The following POLE variants were observed in gnomAD, a reference collection of about 807,000 sequenced individuals.
POLE encodes DNA polymerase epsilon catalytic subunit A.
Under a neutral mutation model 279.2 loss-of-function variants are expected in POLE, and 188 were observed. The observed-to-expected ratio is 0.67, with a 90% CI of 0.60 to 0.76. POLE has a LOEUF of 0.76. Among genes scored for constraint, POLE ranks in the 30% least tolerant of loss-of-function variants. The pLI is 0.00. For synonymous variants in POLE, 1,214 were observed against 1,172.5 expected (o/e 1.04, Z -0.72); for missense variants, 2,703 against 3,016.7 (o/e 0.90, Z 2.44).
chr12:132,661,797 A>G lies in POLE; in HGVS notation c.2707-113T>C. 1 of 1,030,102 alleles carries G rather than the reference A, an allele frequency of 9.7e-7. No homozygotes were observed. The allele number at this position is 1,030,102 out of a possible 1,614,324, so 63.8% of individuals were successfully genotyped here. A position where few individuals can be genotyped will look rare whatever the true frequency, so the allele number is the denominator to read the frequency against. On this transcript the variant is annotated intron_variant, in intron 23 of 48. Coordinates refer to ENST00000320574, the MANE Select transcript of POLE (RefSeq NM_006231.4). This position sits in a 1 kb window ranked among gnomAD's most constrained non-coding sequence, Gnocchi z 4.1. Reference sequence around the variant, plus strand: ...TTGACAAACCGAGGCTTTTCCACATAACTAACACGACTTGGCAGCAGGAAG... The same window carrying G: ...TTGACAAACCGAGGCTTTTCCACATGACTAACACGACTTGGCAGCAGGAAG...
In POLE at chr12:132,624,605, G is replaced by T; in HGVS notation, c.*92C>A. 1 of 796,524 alleles carries T rather than the reference G, an allele frequency of 1.3e-6. No individual in the cohort carries two copies. The highest frequency in any genetic ancestry group is 2.3e-6 in the Non-Finnish European group (1 of 438,400). The allele number at this position is 796,524 out of a possible 1,614,324, so 49.3% of individuals were successfully genotyped here. A position where few individuals can be genotyped will look rare whatever the true frequency, so the allele number is the denominator to read the frequency against. ...GGTCACAGGTTTGGACAGTCAGGGT[G>T]GTCAGTGGTCTGGTCACTGGAAGCA... On this transcript the variant is annotated 3_prime_UTR_variant, in exon 49 of 49. Transcript: ENST00000320574.
rs184779555 is a variant in POLE, at chr12:132,675,111, G to A, written c.1226+287C>T. The stretch of plus-strand genomic sequence containing the variant: ...TGCCTGGGCAGAGCAGCTCCATGAG[G>A]TCCTAGGTCTGGGACCTGTCAGCTG... On this transcript the variant is annotated intron_variant, in intron 12 of 48. Transcript: ENST00000320574. The surrounding 1 kb of genome is among the most constrained non-coding windows in gnomAD (Gnocchi z 4.3). 3.7e-4 allele frequency among the ~76,000 whole-genome samples: 57 copies of A among 152,318 alleles called. No homozygotes were observed. Among genetic ancestry groups the A allele is most frequent in the African/African-American group, 1.3e-3 (53 of 41,580 alleles).
chr12:132,646,076 A>C (rs561192244), intron 32 of POLE, among the ~76,000 whole-genome samples: 13 of 152,326 alleles, frequency 8.5e-5, no homozygotes, highest in African/African-American at 2.6e-4. Context: ...GGAAGTTTTC[A>C]AAGACCAACA....
chr12:132,655,653 T>C (rs1161072630), intron 29 of POLE, among the ~76,000 whole-genome samples: 1 of 152,248 alleles, frequency 6.6e-6, no homozygotes, highest in African/African-American at 2.4e-5. Flanking sequence ...TGAGGCTACA[T>C]TGTTACAATT....
rs1459857233 is a variant in POLE, at chr12:132,675,851, G to A, written c.1021-31C>T. 11 of 1,537,840 alleles carry A rather than the reference G, an allele frequency of 7.2e-6. No homozygotes were observed. Among genetic ancestry groups the A allele is most frequent in the African/African-American group, 2.7e-5 (2 of 73,392 alleles). ...CCCAAGTCACAGCAGTCAGAGGTCTGCTCTTTCTCTTCTTCAAGCTATTCC... is the reference window on the plus strand; with the variant it reads ...CCCAAGTCACAGCAGTCAGAGGTCTACTCTTTCTCTTCTTCAAGCTATTCC... On this transcript the variant is annotated intron_variant, in intron 10 of 48. Coordinates refer to ENST00000320574, the MANE Select transcript of POLE (RefSeq NM_006231.4). This position sits in a 1 kb window ranked among gnomAD's most constrained non-coding sequence, Gnocchi z 4.3.
chr12:132,675,617 A>G lies in POLE; in HGVS notation c.1107-100T>C. On this transcript the variant is annotated intron_variant, in intron 11 of 48. Transcript: ENST00000320574. The surrounding 1 kb of genome is among the most constrained non-coding windows in gnomAD (Gnocchi z 4.3). Reference sequence around the variant, plus strand: ...ACCCAGGGAGGAACCCAGACACGGGAGGTGCAGAGTGAACCCAGGAGCCAC... The same window carrying G: ...ACCCAGGGAGGAACCCAGACACGGGGGGTGCAGAGTGAACCCAGGAGCCAC... The G allele has an allele frequency of 6.3e-7, 1 of 1,590,070 alleles. No individual in the cohort carries two copies. Among genetic ancestry groups the G allele is most frequent in the Non-Finnish European group, 8.6e-7 (1 of 1,163,264 alleles).
intron 20 of POLE, among the ~76,000 whole-genome samples, chr12:132,665,890 G>C (rs950793671): frequency 1.3e-5 from 2 of 152,220 alleles, no homozygotes; most frequent in African/African-American, 4.8e-5. Context: ...TGCCTAGTAT[G>C]TGCCAGGAAC....
rs766667781 is a variant in POLE at position 132,680,706 on chromosome 12, A to G, written c.205-19T>C. The stretch of plus-strand genomic sequence containing the variant: ...TCTCGGTCTACAAGAGAATCAGTCA[A>G]CACAGACACAAGACCATCCTCTACA... On this transcript the variant is annotated intron_variant, in intron 2 of 48. Transcript: ENST00000320574. 6.3e-7 allele frequency: 1 copy of G among 1,590,494 alleles called. No individual in the cohort carries two copies. Among genetic ancestry groups the G allele is most frequent in the Non-Finnish European group, 8.6e-7 (1 of 1,158,482 alleles).
intron 29 of POLE, 25 bp from the exon 30 acceptor site, chr12:132,649,914 A>T: frequency 6.2e-7 from 1 of 1,606,602 alleles, no homozygotes; most frequent in Non-Finnish European, 8.5e-7. Context: ...TGAAGCCTTA[A>T]ATCTCAGGAT....
chr12:132,628,167 C>T (rs1037214210), intron 45 of POLE, among the ~76,000 whole-genome samples: 1 of 151,378 alleles, frequency 6.6e-6, no homozygotes, highest in Non-Finnish European at 1.5e-5. Context: ...CATGGTGAAA[C>T]CCTGTCTCTA....
Position 132,634,057 on chromosome 12 carries a change from C to A in POLE, c.6004+129G>T. ...GGCCCCTCGGCTCACAAAGTCCCAA[C>A]TGCTGGGCAGGCTCCGCCCGATCTG... On this transcript the variant is annotated intron_variant, in intron 43 of 48. Coordinates refer to ENST00000320574, the MANE Select transcript of POLE (RefSeq NM_006231.4). This position sits in a 1 kb window ranked among gnomAD's most constrained non-coding sequence, Gnocchi z 4.0. 1.2e-6 allele frequency: 1 copy of A among 846,858 alleles called. No individual in the cohort carries two copies. The highest frequency in any genetic ancestry group is 1.9e-6 in the Non-Finnish European group (1 of 537,420). 52.5% of individuals were successfully genotyped at this position (846,858 alleles called of 1,614,324 possible).
chr12:132,650,871 CCTTTT>C (rs1169923661), intron 29 of POLE: 5 of 65,274 alleles, frequency 7.7e-5, no homozygotes, highest in African/African-American at 2.4e-4. Flanking sequence ...CAACTTGTTT[CCTTTT>C]TTTTTTTTTT....
At chr12:132,673,487 G>C (rs966273518) in intron 13 of POLE, 88 bp downstream of exon 13, 7 of 1,555,680 alleles carry the variant, frequency 4.5e-6, no homozygotes, top group Middle Eastern at 3.4e-4. Flanking sequence ...GGGGGAGCCG[G>C]GATGTGGCTC....
At chr12:132,665,644 GTCTC>G (rs1478094994) in intron 20 of POLE, among the ~76,000 whole-genome samples, 194 bp from the exon 21 acceptor site, 2 of 152,030 alleles carry the variant, frequency 1.3e-5, no homozygotes, top group Non-Finnish European at 2.9e-5. Context: ...CCTTTATTCT[GTCTC>G]TCTGTGTTGA....
chr12:132,661,241 G>T lies in POLE; in HGVS notation c.2865-77C>A. 7.5e-7 allele frequency: 1 copy of T among 1,328,570 alleles called. No individual in the cohort carries two copies. Among genetic ancestry groups the T allele is most frequent in the Non-Finnish European group, 1.0e-6 (1 of 970,334 alleles). The allele number at this position is 1,328,570 out of a possible 1,614,324, so 82.3% of individuals were successfully genotyped here. A position where few individuals can be genotyped will look rare whatever the true frequency, so the allele number is the denominator to read the frequency against. ...CCACCAGCTGTGCCTCATCCTCTCTGCCCGCCTCTTCCCTTTCCAACCCTC... is the reference window on the plus strand; with the variant it reads ...CCACCAGCTGTGCCTCATCCTCTCTTCCCGCCTCTTCCCTTTCCAACCCTC... On this transcript the variant is annotated intron_variant, in intron 24 of 48. Transcript: ENST00000320574. The surrounding 1 kb of genome is among the most constrained non-coding windows in gnomAD (Gnocchi z 4.1).
At chr12:132,628,921 T>A in intron 45 of POLE, among the ~76,000 whole-genome samples, 1 of 152,350 alleles carries the variant, frequency 6.6e-6, no homozygotes, top group South Asian at 2.1e-4. Flanking sequence ...TTTTGACCCC[T>A]TCTCCCATGA....
At chr12:132,636,098 T>C (rs1028769697) in intron 41 of POLE, 74 bp from the exon 42 acceptor site, 1 of 1,473,910 alleles carries the variant, frequency 6.8e-7, no homozygotes, top group Admixed American at 1.9e-5. Flanking sequence ...TTTCCCCTTG[T>C]ATCTATCTGT....
At chr12:132,670,264 TA>T (rs2042894357) in intron 16 of POLE, among the ~76,000 whole-genome samples, 1 of 150,740 alleles carries the variant, frequency 6.6e-6, no homozygotes, top group Admixed American at 6.6e-5. Flanking sequence ...TTATCCCAGC[TA>T]CTCAGGAGGC....
At position 132,671,881 on chromosome 12, in the gene POLE, A is replaced by C. The variant is rs5744785; in HGVS notation, c.1794+334T>G. On this transcript the variant is annotated intron_variant, in intron 16 of 48. Transcript: ENST00000320574. ...TCATTTTTAAGTCTCAACAACAAAA[A>C]GTAAATAAAATTTAAAACCTCCAAT... 8.4e-3 allele frequency among the ~76,000 whole-genome samples: 1,286 copies of C among 152,266 alleles called. 22 individuals carry two copies. Among genetic ancestry groups the C allele is most frequent in the African/African-American group, 0.029 (1,225 of 41,546 alleles).
Sources: allele counts gnomAD v4.1 joint callset (sites outside exome capture counted in the v4.1 genomes callset), GRCh38; gene constraint gnomAD v4.1.1; non-coding constraint Gnocchi (gnomAD v3.1); transcripts MANE v1.5; gene names NCBI Gene and HGNC (gene_info 2026-07-23, HGNC 2026-07-21).